TENM2: variants seen among roughly 807,000 people sequenced by gnomAD.
TENM2 encodes teneurin-2.
In TENM2, 52 loss-of-function variants were observed where a neutral mutation model predicts 245.2. The observed-to-expected ratio is 0.21, with a 90% CI of 0.17 to 0.27. The LOEUF (loss-of-function observed/expected upper bound fraction) is 0.27, where lower values mean the gene tolerates loss of function less well. Among genes scored for constraint, TENM2 ranks in the 10% least tolerant of loss-of-function variants. The pLI is 1.00. For missense variants in TENM2, 3,046 were observed against 3,666.8 expected, an observed-to-expected ratio of 0.83 and a Z score of 4.37; for synonymous variants, 1,363 against 1,438.9, an observed-to-expected ratio of 0.95 and a Z score of 1.19.
At chr5:167,114,252 C>T in the TENM2 span, among the ~76,000 whole-genome samples, 1 of 152,190 alleles carries the variant, frequency 6.6e-6, no homozygotes, top group Non-Finnish European at 1.5e-5. Context: ...CCTTTTCATT[C>T]AGTAACACTT....
At chr5:168,225,464 T>C (rs1486247671) in intron 23 of TENM2, among the ~76,000 whole-genome samples, 1 of 152,054 alleles carries the variant, frequency 6.6e-6, no homozygotes, top group Non-Finnish European at 1.5e-5. Flanking sequence ...AAGACCTAAA[T>C]TAAAAAACAA....
chr5:168,073,284 C>T, intron 7 of TENM2, among the ~76,000 whole-genome samples: 1 of 152,160 alleles, frequency 6.6e-6, no homozygotes, highest in East Asian at 1.9e-4. Flanking sequence ...TAAAAGTTGG[C>T]CACCACTTTT....
chr5:168,246,890 G>A (rs775168801), exon 27 of TENM2: 5 of 1,613,936 alleles, frequency 3.1e-6, no homozygotes, highest in East Asian at 2.2e-5. Context: ...GGCTACATCC[G>A]TAATATTTAC....
intron 2 of TENM2, among the ~76,000 whole-genome samples, chr5:167,738,191 T>C (rs1760932505): frequency 6.6e-6 from 1 of 152,206 alleles, no homozygotes; most frequent in African/African-American, 2.4e-5. Flanking sequence ...GACTGCTTGA[T>C]ATCTAGCAAT....
At chr5:168,042,562 C>T (rs1788283556) in intron 5 of TENM2, among the ~76,000 whole-genome samples, 1 of 152,056 alleles carries the variant, frequency 6.6e-6, no homozygotes, top group Non-Finnish European at 1.5e-5. Flanking sequence ...TTTTCTGGCC[C>T]TATAATCTCC....
chr5:167,651,180 A>G (rs912311310), intron 2 of TENM2, among the ~76,000 whole-genome samples: 1 of 152,012 alleles, frequency 6.6e-6, no homozygotes, highest in Non-Finnish European at 1.5e-5. Context: ...TTGTGCATCA[A>G]TATCCTTATT....
chr5:168,030,094 A>C (rs1203702513), intron 5 of TENM2, among the ~76,000 whole-genome samples: 1 of 141,304 alleles, frequency 7.1e-6, no homozygotes, highest in African/African-American at 2.6e-5. Flanking sequence ...GATGGAGAGG[A>C]GGCATGCTGA....
intron 28 of TENM2, among the ~76,000 whole-genome samples, chr5:168,261,186 G>A (rs1164641303): frequency 6.6e-6 from 1 of 152,050 alleles, no homozygotes; most frequent in Non-Finnish European, 1.5e-5. Flanking sequence ...CCTCCCAAAC[G>A]CAGCCTCTCC....
At chr5:167,717,071 C>A (rs971892038) in intron 2 of TENM2, among the ~76,000 whole-genome samples, 1 of 151,918 alleles carries the variant, frequency 6.6e-6, no homozygotes, top group Non-Finnish European at 1.5e-5. Flanking sequence ...TCCAAGTGCT[C>A]AGCCTCCCTG....
At chr5:167,578,277 C>A (rs1774850958) in intron 2 of TENM2, among the ~76,000 whole-genome samples, 1 of 152,188 alleles carries the variant, frequency 6.6e-6, no homozygotes, top group Admixed American at 6.5e-5. Flanking sequence ...CTACCAGTAG[C>A]CTATATCTTC....
chr5:168,101,572 G>A (rs1688057126), intron 9 of TENM2, among the ~76,000 whole-genome samples: 3 of 152,162 alleles, frequency 2.0e-5, no homozygotes, highest in Admixed American at 1.3e-4. Flanking sequence ...GGCGCACACT[G>A]CAAGTGTGCA....
intron 2 of TENM2, among the ~76,000 whole-genome samples, chr5:167,487,925 T>A (rs981090089): frequency 1.3e-4 from 20 of 152,194 alleles, no homozygotes; most frequent in African/African-American, 4.8e-4. Flanking sequence ...TATTTTCTGG[T>A]CATAGAAGGT....
At chr5:167,303,595 T>G (rs865922861) in intron 1 of TENM2, among the ~76,000 whole-genome samples, 11 of 152,240 alleles carry the variant, frequency 7.2e-5, no homozygotes, top group Middle Eastern at 3.4e-3. Flanking sequence ...AATGTCATCA[T>G]TTAAGGCAGG....
intron 16 of TENM2, among the ~76,000 whole-genome samples, chr5:168,199,521 G>C (rs934678327): frequency 6.6e-6 from 1 of 152,180 alleles, no homozygotes; most frequent in Non-Finnish European, 1.5e-5. Flanking sequence ...TTGTAGGTTC[G>C]TATAATTACA....
intron 14 of TENM2, among the ~76,000 whole-genome samples, chr5:168,194,162 TC>T: frequency 6.6e-6 from 1 of 152,326 alleles, no homozygotes; most frequent in Non-Finnish European, 1.5e-5. Context: ...TGGGAGTGTG[TC>T]CAGGATGCTG....
intron 10 of TENM2, among the ~76,000 whole-genome samples, chr5:168,119,415 C>T (rs1795315102): frequency 6.6e-6 from 1 of 152,190 alleles, no homozygotes; most frequent in Non-Finnish European, 1.5e-5. Flanking sequence ...TCCTAGTTAC[C>T]TTGATCAGTT....
intron 4 of TENM2, among the ~76,000 whole-genome samples, chr5:167,981,829 G>A (rs950781503): frequency 6.6e-6 from 1 of 151,758 alleles, no homozygotes; most frequent in Non-Finnish European, 1.5e-5. Context: ...CAAAAATTAG[G>A]CAGGCGTGGT....
intron 12 of TENM2, among the ~76,000 whole-genome samples, chr5:168,160,667 A>G (rs1757666720): frequency 6.6e-6 from 1 of 152,170 alleles, no homozygotes; most frequent in Admixed American, 6.5e-5. Context: ...CCTCTTCCTA[A>G]AGAAGTAAAG....
chr5:167,801,046 A>C (rs1209002362), intron 2 of TENM2, among the ~76,000 whole-genome samples: 1 of 144,956 alleles, frequency 6.9e-6, no homozygotes, highest in Non-Finnish European at 1.5e-5. Flanking sequence ...AAGGTCTTTG[A>C]CCATAGGAGT....
Sources: gnomAD v4.1 joint callset for allele counts (sites outside exome capture counted in the v4.1 genomes callset) on GRCh38, gnomAD v4.1.1 for gene constraint, MANE v1.5 for transcripts, NCBI Gene and HGNC (gene_info 2026-07-23, HGNC 2026-07-21) for gene names.